The following PTPRG variants were observed in gnomAD, a reference collection of about 807,000 sequenced individuals.
PTPRG encodes the protein receptor-type tyrosine-protein phosphatase gamma.
Under a neutral mutation model 165.3 loss-of-function variants are expected in PTPRG, and 102 were observed. The observed-to-expected ratio is 0.62, with a 90% confidence interval of 0.53 to 0.73. PTPRG has a LOEUF of 0.73. Among genes scored for constraint, PTPRG ranks in the 30% least tolerant of loss-of-function variants. The pLI, the probability that PTPRG is intolerant of heterozygous loss-of-function variation, is 0.00. For missense variants in PTPRG, 1,866 were observed against 1,861.4 expected, an observed-to-expected ratio of 1.00 and a Z score of -0.05; for synonymous variants, 675 against 669.5, an observed-to-expected ratio of 1.01 and a Z score of -0.13.
chr3:61,679,087 T>C (rs1575584861), intron 1 of PTPRG, among the ~76,000 whole-genome samples: 1 of 152,156 alleles, frequency 6.6e-6, no homozygotes, highest in Non-Finnish European at 1.5e-5. Flanking sequence ...GGTAGAAACA[T>C]GGCAAGATTG....
chr3:61,711,738 A>G (rs1229407358), intron 1 of PTPRG, among the ~76,000 whole-genome samples: 1 of 152,218 alleles, frequency 6.6e-6, no homozygotes, highest in Non-Finnish European at 1.5e-5. Flanking sequence ...AAACAAATTT[A>G]CAAGTTTTCT....
chr3:61,853,238 T>A (rs912409180), intron 2 of PTPRG, among the ~76,000 whole-genome samples: 2 of 152,208 alleles, frequency 1.3e-5, no homozygotes, highest in African/African-American at 4.8e-5. Flanking sequence ...AGGTTCAGAA[T>A]GGCCCCCATA....
At chr3:61,831,623 C>G (rs1191225692) in intron 2 of PTPRG, among the ~76,000 whole-genome samples, 4 of 152,104 alleles carry the variant, frequency 2.6e-5, no homozygotes, top group Admixed American at 2.0e-4. Flanking sequence ...TTCAGTTATT[C>G]TATCTACAAT....
intron 8 of PTPRG, among the ~76,000 whole-genome samples, chr3:62,169,109 TG>T (rs949988354): frequency 2.0e-5 from 3 of 152,162 alleles, no homozygotes; most frequent in African/African-American, 7.2e-5. Context: ...GGGGTTTATA[TG>T]GGTACAGGAT....
At chr3:61,814,284 G>C (rs1177845828) in intron 2 of PTPRG, among the ~76,000 whole-genome samples, 1 of 152,176 alleles carries the variant, frequency 6.6e-6, no homozygotes, top group Non-Finnish European at 1.5e-5. Flanking sequence ...AAGCGGGTGA[G>C]CAGGATTTGA....
At chr3:62,134,877 A>T (rs1553640408) in intron 6 of PTPRG, among the ~76,000 whole-genome samples, 1 of 152,212 alleles carries the variant, frequency 6.6e-6, no homozygotes, top group Non-Finnish European at 1.5e-5. Context: ...GGAGGAACTA[A>T]AGCCCATGTG....
At chr3:61,872,333 G>A (rs191769685) in intron 2 of PTPRG, among the ~76,000 whole-genome samples, 1 of 152,266 alleles carries the variant, frequency 6.6e-6, no homozygotes, top group African/African-American at 2.4e-5. Flanking sequence ...CTTCACTCCA[G>A]TCTGGGCAAC....
At chr3:61,725,119 T>G (rs1156928087) in intron 1 of PTPRG, among the ~76,000 whole-genome samples, 1 of 152,126 alleles carries the variant, frequency 6.6e-6, no homozygotes, top group Non-Finnish European at 1.5e-5. Context: ...TACATTTAAA[T>G]GTACAATCCA....
rs532356516 is a variant in PTPRG at position 61,866,582 on chromosome 3, C to CTTTTTTTTTTTTTTT, written c.190+117622_190+117636dup. Among the ~76,000 whole-genome samples, 9 of 69,112 alleles carry CTTTTTTTTTTTTTTT rather than the reference C, an allele frequency of 1.3e-4. 1 individual carries two copies. The highest frequency in any genetic ancestry group is 2.6e-4 in the African/African-American group (6 of 23,466). 45.3% of individuals were successfully genotyped at this position (69,112 alleles called of 152,430 possible). On this transcript the variant is annotated intron_variant, in intron 2 of 29. Transcript: ENST00000474889. ...TTCCCTGGCTTTGGAACTGTTTGCT[C>CTTTTTTTTTTTTTTT]TTTTTTTTTTTTTTTTTTTTTTTTT...
chr3:62,113,696 G>A (rs1025963993), intron 5 of PTPRG, among the ~76,000 whole-genome samples: 1 of 152,148 alleles, frequency 6.6e-6, no homozygotes, highest in Non-Finnish European at 1.5e-5. Context: ...TTGCCTTTCT[G>A]CTGTCGGAAG....
intron 8 of PTPRG, among the ~76,000 whole-genome samples, chr3:62,181,357 C>A (rs1198246973): frequency 2.0e-5 from 3 of 152,194 alleles, no homozygotes; most frequent in Non-Finnish European, 4.4e-5. Flanking sequence ...ATTCCCTGCT[C>A]ACAGTCACAC....
At chr3:62,113,762 G>A (rs1247275527) in intron 5 of PTPRG, among the ~76,000 whole-genome samples, 1 of 152,156 alleles carries the variant, frequency 6.6e-6, no homozygotes, top group Non-Finnish European at 1.5e-5. Context: ...CTATAAAGTG[G>A]TTTTGACCCT....
intron 2 of PTPRG, among the ~76,000 whole-genome samples, chr3:61,788,821 AT>A (rs143908258): frequency 5.8e-4 from 89 of 152,344 alleles, no homozygotes; most frequent in Non-Finnish European, 1.0e-3. Flanking sequence ...TTGAGTACCA[AT>A]AAAACTTTAT....
chr3:62,255,694 A>C lies in PTPRG; in HGVS notation c.2559+479A>C, dbSNP rs1266784852. 1.3e-5 allele frequency among the ~76,000 whole-genome samples: 2 copies of C among 152,172 alleles called. No homozygotes were observed. ...TCCCCAGTTTTCCCATTTTTGAAAA[A>C]TGGCACCAATGTCACCTACATTGTA... is the stretch of plus-strand genomic sequence containing the variant. On this transcript the variant is annotated intron_variant, in intron 16 of 29. Transcript: ENST00000474889. The surrounding 1 kb of genome is among the most constrained non-coding windows in gnomAD (Gnocchi z 4.0).
Position 61,647,791 on chromosome 3 carries a change from C to CAAAAA in PTPRG, c.85+85435_85+85439dup, listed in dbSNP as rs58020589. ...TGGGTGACAGAGTGAGACTCCGTCTCAAAAAAAAAAAAAAAAAAAAGAGTT... is the reference window on the plus strand; with the variant it reads ...TGGGTGACAGAGTGAGACTCCGTCTCAAAAAAAAAAAAAAAAAAAAAAAAAGAGTT... On this transcript the variant is annotated intron_variant, in intron 1 of 29. Coordinates refer to ENST00000474889, the MANE Select transcript of PTPRG (RefSeq NM_002841.4). 3.6e-3 allele frequency among the ~76,000 whole-genome samples: 332 copies of CAAAAA among 93,076 alleles called. 22 individuals carry two copies. The highest frequency in any genetic ancestry group is 0.012 in the South Asian group (30 of 2,498). 61.1% of individuals were successfully genotyped at this position (93,076 alleles called of 152,430 possible). A position where few individuals can be genotyped will look rare whatever the true frequency, so the allele number is the denominator to read the frequency against.
chr3:61,612,690 T>C lies in PTPRG; in HGVS notation c.85+50318T>C, dbSNP rs566668207. Reference sequence around the variant, plus strand: ...TTAGTGTATTCTCAGTGCAACACTTTAGAGTTCTTGGAATGGGCAGAGAGC... The same window carrying C: ...TTAGTGTATTCTCAGTGCAACACTTCAGAGTTCTTGGAATGGGCAGAGAGC... On this transcript the variant is annotated intron_variant, in intron 1 of 29. Transcript: ENST00000474889. Among the ~76,000 whole-genome samples the C allele has an allele frequency of 5.9e-5, 9 of 152,318 alleles. No homozygotes were observed. In the South Asian group the frequency reaches 6.2e-4, roughly 11 times the overall value.
chr3:62,279,426 T>G (rs1174922854), intron 26 of PTPRG, among the ~76,000 whole-genome samples: 6 of 152,114 alleles, frequency 3.9e-5, no homozygotes, highest in Admixed American at 3.9e-4. Context: ...TAATTTACTA[T>G]TCATGTTATC....
intron 4 of PTPRG, among the ~76,000 whole-genome samples, chr3:62,033,044 C>G (rs895750464): frequency 5.3e-5 from 8 of 152,180 alleles, no homozygotes; most frequent in African/African-American, 1.9e-4. Context: ...TTGCCTGTGA[C>G]ATGCTGGTAT....
chr3:61,780,452 A>G (rs1405811459), intron 2 of PTPRG, among the ~76,000 whole-genome samples: 2 of 152,192 alleles, frequency 1.3e-5, no homozygotes, highest in Non-Finnish European at 2.9e-5. Flanking sequence ...TAGTCTGTGA[A>G]TATTGTATTT....
Sources: gnomAD v4.1 joint callset for allele counts (sites outside exome capture counted in the v4.1 genomes callset) on GRCh38, gnomAD v4.1.1 for gene constraint, Gnocchi (gnomAD v3.1) non-coding constraint, MANE v1.5 for transcripts, NCBI Gene and HGNC (gene_info 2026-07-23, HGNC 2026-07-21) for gene names.